Variants in IGF2BP3 observed in about 807,000 individuals in gnomAD.
IGF2BP3 encodes the protein insulin like growth factor 2 mRNA binding protein 3.
In IGF2BP3, 9 loss-of-function variants were observed where a neutral mutation model predicts 73.8. The observed-to-expected ratio is 0.12, with a 90% CI of 0.07 to 0.21. IGF2BP3 has a LOEUF of 0.21. IGF2BP3 is among the 10% of genes least tolerant of loss of function. IGF2BP3 has a pLI of 1.00. For missense variants in IGF2BP3, 542 were observed against 714.0 expected, an observed-to-expected ratio of 0.76 and a Z score of 2.75; for synonymous variants, 258 against 256.7, an observed-to-expected ratio of 1.01 and a Z score of -0.05.
intron 2 of IGF2BP3, among the ~76,000 whole-genome samples, chr7:23,464,159 C>T (rs1352180699): frequency 2.0e-5 from 3 of 152,208 alleles, no homozygotes; most frequent in Admixed American, 1.3e-4. Flanking sequence ...CTAATGGGCA[C>T]GTTGCTGGTC....
At chr7:23,336,914 C>G (rs2128499298) in intron 10 of IGF2BP3, among the ~76,000 whole-genome samples, 1 of 151,814 alleles carries the variant, frequency 6.6e-6, no homozygotes, top group Admixed American at 6.6e-5. Flanking sequence ...CGCCACCACA[C>G]TCCACCCTGG....
At chr7:23,326,425 T>C (rs961944516) in intron 10 of IGF2BP3, among the ~76,000 whole-genome samples, 9 of 151,908 alleles carry the variant, frequency 5.9e-5, no homozygotes, top group African/African-American at 1.9e-4. Context: ...CAACAGGTGC[T>C]GGAGAGGATG....
chr7:23,381,059 A>C (rs970604192), intron 3 of IGF2BP3, among the ~76,000 whole-genome samples: 3 of 152,214 alleles, frequency 2.0e-5, no homozygotes, highest in Non-Finnish European at 2.9e-5. Context: ...AATCAGACTC[A>C]ACTTCACAGC....
chr7:23,321,401 G>C (rs541030052), intron 10 of IGF2BP3, among the ~76,000 whole-genome samples: 2 of 152,316 alleles, frequency 1.3e-5, no homozygotes, highest in Non-Finnish European at 2.9e-5. Flanking sequence ...ATTATATCCC[G>C]CACCTGGCTC....
At chr7:23,398,783 G>T (rs1225648392) in intron 3 of IGF2BP3, among the ~76,000 whole-genome samples, 1 of 152,112 alleles carries the variant, frequency 6.6e-6, no homozygotes, top group South Asian at 2.1e-4. Context: ...AAATTTGTTT[G>T]AGTTCATTGT....
At chr7:23,382,894 C>CAAAAAAA (rs57466793) in intron 3 of IGF2BP3, among the ~76,000 whole-genome samples, 51 of 49,094 alleles carry the variant, frequency 1.0e-3, no homozygotes, top group African/African-American at 2.2e-3. Context: ...CTAGCTCTAC[C>CAAAAAAA]AAAAAAAAAA....
chr7:23,325,354 C>T (rs561367840), intron 10 of IGF2BP3, among the ~76,000 whole-genome samples: 9 of 152,228 alleles, frequency 5.9e-5, no homozygotes, highest in East Asian at 5.8e-4. Context: ...ACCTAGGAAT[C>T]CAACTTACAA....
intron 5 of IGF2BP3, among the ~76,000 whole-genome samples, chr7:23,353,806 TA>T (rs1459775678): frequency 6.6e-6 from 1 of 152,220 alleles, no homozygotes; most frequent in Non-Finnish European, 1.5e-5. Context: ...AACGTTAAGT[TA>T]ACGCTGTACT....
intron 2 of IGF2BP3, 39 bp from the exon 3 acceptor site, chr7:23,418,863 A>G: frequency 1.5e-6 from 2 of 1,378,932 alleles, no homozygotes; most frequent in Middle Eastern, 3.6e-4. Context: ...AGAAAAAAAC[A>G]TAAAAGCAAA....
chr7:23,361,162 A>C (rs912033333), intron 5 of IGF2BP3, among the ~76,000 whole-genome samples: 3 of 152,192 alleles, frequency 2.0e-5, no homozygotes, highest in Non-Finnish European at 2.9e-5. Context: ...ACATGATCCA[A>C]CTTACCAGCT....
At position 23,311,293 on chromosome 7, in the gene IGF2BP3, A is replaced by G. The variant is rs1474115529; in HGVS notation, c.*1069T>C. ...AACTAAGCATCCTATAAGACAAGCT[A>G]AAGCTTGCTTTTTGCCAGTCAGTTG... On this transcript the variant is annotated 3_prime_UTR_variant, in exon 15 of 15. Transcript: ENST00000258729. 6.6e-6 allele frequency: 1 copy of G among 152,602 alleles called. No individual in the cohort carries two copies. Among genetic ancestry groups the G allele is most frequent in the South Asian group, 2.1e-4 (1 of 4,830 alleles). 9.5% of individuals were successfully genotyped at this position (152,602 alleles called of 1,614,324 possible).
intron 10 of IGF2BP3, among the ~76,000 whole-genome samples, chr7:23,330,498 A>C (rs1282503957): frequency 6.6e-6 from 1 of 152,008 alleles, no homozygotes; most frequent in Admixed American, 6.6e-5. Flanking sequence ...AGTCAAAAGA[A>C]ATTTCTTTTG....
intron 2 of IGF2BP3, among the ~76,000 whole-genome samples, chr7:23,439,044 A>G (rs968863841): frequency 6.6e-6 from 1 of 152,084 alleles, no homozygotes; most frequent in Non-Finnish European, 1.5e-5. Context: ...GGAGCTAAAG[A>G]CCAGCCTGGG....
At chr7:23,395,144 T>A (rs1478130689) in intron 3 of IGF2BP3, among the ~76,000 whole-genome samples, 1 of 152,170 alleles carries the variant, frequency 6.6e-6, no homozygotes, top group African/African-American at 2.4e-5. Context: ...TGTGACTCAT[T>A]TTTTCAACAC....
At chr7:23,323,210 A>G in intron 10 of IGF2BP3, among the ~76,000 whole-genome samples, 1 of 151,928 alleles carries the variant, frequency 6.6e-6, no homozygotes, top group South Asian at 2.1e-4. Context: ...GCTCAAAATA[A>G]AAGGATGGAG....
At chr7:23,452,779 G>A (rs1562761359) in intron 2 of IGF2BP3, among the ~76,000 whole-genome samples, 1 of 146,338 alleles carries the variant, frequency 6.8e-6, no homozygotes, top group Non-Finnish European at 1.5e-5. Flanking sequence ...TCCAGCCTGG[G>A]CAACAGTGCG....
At chr7:23,375,491 A>AGAG (rs1456209128) in intron 3 of IGF2BP3, among the ~76,000 whole-genome samples, 6 of 152,336 alleles carry the variant, frequency 3.9e-5, no homozygotes, top group African/African-American at 1.2e-4. Context: ...TGCAAAGGCT[A>AGAG]GAGAATCCTA....
chr7:23,397,423 T>C (rs1394395969), intron 3 of IGF2BP3, among the ~76,000 whole-genome samples: 1 of 152,220 alleles, frequency 6.6e-6, no homozygotes, highest in African/African-American at 2.4e-5. Flanking sequence ...ACAGGAGCCA[T>C]GAACTAGCAC....
In IGF2BP3 at chr7:23,312,250, A is replaced by G. The variant is rs1554307873; in HGVS notation, c.*112T>C. 3.9e-6 allele frequency: 3 copies of G among 769,598 alleles called. No homozygotes were observed. Among genetic ancestry groups the G allele is most frequent in the East Asian group, 2.5e-5 (1 of 40,666 alleles). 47.7% of individuals were successfully genotyped at this position (769,598 alleles called of 1,614,324 possible). ...GCCTGGTCCTCAGAAACAACTGGCT[A>G]GGTAAAAACTTGTGCATGTGATTCT... On this transcript the variant is annotated 3_prime_UTR_variant, in exon 15 of 15. Transcript: ENST00000258729.
Sources: allele counts gnomAD v4.1 joint callset (sites outside exome capture counted in the v4.1 genomes callset), GRCh38; gene constraint gnomAD v4.1.1; transcripts MANE v1.5; gene names NCBI Gene and HGNC (gene_info 2026-07-23, HGNC 2026-07-21).